LINGO2: variants seen among roughly 807,000 people sequenced by gnomAD.
The protein encoded by LINGO2 is leucine-rich repeat and immunoglobulin-like domain-containing nogo receptor-interacting protein 2.
Under a neutral mutation model 30.6 loss-of-function variants are expected in LINGO2, and 14 were observed. The observed-to-expected ratio is 0.46, with a 90% CI of 0.30 to 0.72. The LOEUF (loss-of-function observed/expected upper bound fraction) is 0.72, where lower values mean the gene tolerates loss of function less well. Ranked by LOEUF, LINGO2 falls within the 30% of genes least tolerant of loss-of-function variation. The pLI is 0.07. For missense variants in LINGO2, 729 were observed against 751.7 expected, an observed-to-expected ratio of 0.97 and a Z score of 0.35; for synonymous variants, 317 against 288.5, an observed-to-expected ratio of 1.10 and a Z score of -1.00.
chr9:29,189,768 G>A, the LINGO2 span, among the ~76,000 whole-genome samples: 3 of 152,118 alleles, frequency 2.0e-5, no homozygotes, highest in African/African-American at 7.2e-5. Flanking sequence ...CCGGCACCTC[G>A]GGAGGCCGAG....
chr9:29,187,960 T>C, the LINGO2 span, among the ~76,000 whole-genome samples: 2 of 147,018 alleles, frequency 1.4e-5, no homozygotes, highest in African/African-American at 2.6e-5. Flanking sequence ...ACTATTTTCT[T>C]TTTTTTTTCC....
chr9:28,556,917 A>G (rs1822735661), intron 1 of LINGO2, among the ~76,000 whole-genome samples: 1 of 152,162 alleles, frequency 6.6e-6, no homozygotes, highest in African/African-American at 2.4e-5. Flanking sequence ...TATTTAATAA[A>G]TGGTGCTGGG....
At chr9:28,945,360 T>C in the LINGO2 span, among the ~76,000 whole-genome samples, 1 of 152,330 alleles carries the variant, frequency 6.6e-6, no homozygotes, top group East Asian at 1.9e-4. Context: ...TGTTTTATTT[T>C]TACATAGTTC....
chr9:28,328,163 C>T (rs1191867307), intron 3 of LINGO2, among the ~76,000 whole-genome samples: 1 of 152,130 alleles, frequency 6.6e-6, no homozygotes, highest in Non-Finnish European at 1.5e-5. Flanking sequence ...CCCTATGGCT[C>T]ATAGCACGTG....
At chr9:29,038,719 G>A in the LINGO2 span, among the ~76,000 whole-genome samples, 13 of 150,006 alleles carry the variant, frequency 8.7e-5, no homozygotes, top group African/African-American at 3.2e-4. Context: ...CCTGCATTTG[G>A]TCTTTAGGAT....
intron 4 of LINGO2, among the ~76,000 whole-genome samples, chr9:28,138,890 G>C (rs1827596382): frequency 6.6e-6 from 1 of 152,096 alleles, no homozygotes; most frequent in African/African-American, 2.4e-5. Context: ...GGAGAGAGAA[G>C]TATCAACCCA....
At chr9:28,501,717 C>T (rs1439409089) in intron 1 of LINGO2, among the ~76,000 whole-genome samples, 1 of 151,848 alleles carries the variant, frequency 6.6e-6, no homozygotes, top group Non-Finnish European at 1.5e-5. Flanking sequence ...ACAGGTGATA[C>T]TACTACCAGC....
rs182452327 is a variant in LINGO2, at chr9:28,151,535, T to C, written c.-86-139130A>G. ...AATCAAGTCAAGATCAACTTAAGAT[T>C]ATCTTTTATCACCAGTGCTATGTAA... On this transcript the variant is annotated intron_variant, in intron 4 of 5. Coordinates refer to ENST00000379992, the Ensembl canonical transcript of LINGO2. 2.0e-3 allele frequency among the ~76,000 whole-genome samples: 311 copies of C among 151,988 alleles called. 4 individuals carry two copies. The highest frequency in any genetic ancestry group is 5.0e-3 in the South Asian group (24 of 4,812).
At chr9:28,767,729 T>G in the LINGO2 span, among the ~76,000 whole-genome samples, 1 of 137,118 alleles carries the variant, frequency 7.3e-6, no homozygotes, top group Non-Finnish European at 1.5e-5. Flanking sequence ...GAGCTTGCAG[T>G]GAGCCGAGAT....
chr9:28,452,519 A>G (rs1306232371), intron 2 of LINGO2, among the ~76,000 whole-genome samples: 2 of 151,794 alleles, frequency 1.3e-5, no homozygotes, highest in African/African-American at 4.8e-5. Flanking sequence ...TAAATACATA[A>G]TTTTCCAATT....
chr9:28,405,004 C>A (rs189018973), intron 2 of LINGO2, among the ~76,000 whole-genome samples: 209 of 151,558 alleles, frequency 1.4e-3, no homozygotes, highest in African/African-American at 4.8e-3. Flanking sequence ...AGCAAGCCAG[C>A]GGAAATTTAA....
At chr9:29,128,785 G>C in the LINGO2 span, among the ~76,000 whole-genome samples, 1 of 152,126 alleles carries the variant, frequency 6.6e-6, no homozygotes, top group South Asian at 2.1e-4. Flanking sequence ...ATCTTTGTTT[G>C]TGTGTGTATA....
chr9:28,249,080 C>A (rs1478397361), intron 4 of LINGO2, among the ~76,000 whole-genome samples: 2 of 152,048 alleles, frequency 1.3e-5, no homozygotes, highest in African/African-American at 4.8e-5. Context: ...TATTTACTTA[C>A]ATGATTTGTG....
At chr9:28,769,498 ATATATATATATATATATATATTTTTT>A in the LINGO2 span, among the ~76,000 whole-genome samples, 7 of 8,510 alleles carry the variant, frequency 8.2e-4, no homozygotes, top group African/African-American at 4.4e-3. Flanking sequence ...ATATATATAT[ATATATATATATATATATATATTTTTT>A]TTTTTTTTTT....
intron 2 of LINGO2, among the ~76,000 whole-genome samples, chr9:28,418,306 T>C (rs2134861418): frequency 1.6e-5 from 2 of 128,678 alleles, no homozygotes; most frequent in East Asian, 5.4e-4. Context: ...TGAGATGGGG[T>C]TTCGCTCTGT....
At chr9:28,743,324 T>C in the LINGO2 span, among the ~76,000 whole-genome samples, 4 of 152,104 alleles carry the variant, frequency 2.6e-5, no homozygotes, top group South Asian at 6.2e-4. Flanking sequence ...CCTAATGCTA[T>C]CCCTCCCCTA....
At chr9:29,205,925 T>C in the LINGO2 span, among the ~76,000 whole-genome samples, 4 of 152,350 alleles carry the variant, frequency 2.6e-5, no homozygotes, top group Non-Finnish European at 4.4e-5. Context: ...AAAACCACTC[T>C]ACTTTTAAAT....
the LINGO2 span, among the ~76,000 whole-genome samples, chr9:29,104,713 C>T: frequency 6.6e-6 from 1 of 152,098 alleles, no homozygotes; most frequent in East Asian, 1.9e-4. Flanking sequence ...ACTTATTCAA[C>T]CTATTTTCTT....
downstream of LINGO2, among the ~76,000 whole-genome samples, chr9:27,944,916 T>A (rs1468885800): frequency 6.6e-6 from 1 of 152,176 alleles, no homozygotes; most frequent in Non-Finnish European, 1.5e-5. Context: ...TAATCTCTGA[T>A]TCTTCTTCAG....
Sources: gnomAD v4.1 joint callset for allele counts (sites outside exome capture counted in the v4.1 genomes callset) on GRCh38, gnomAD v4.1.1 for gene constraint, MANE v1.5 for transcripts, NCBI Gene and HGNC (gene_info 2026-07-23, HGNC 2026-07-21) for gene names.